The following NSUN7 variants were observed in gnomAD, a reference collection of about 807,000 sequenced individuals.
NSUN7 encodes the protein protein NSUN7.
Under a neutral mutation model 58.5 loss-of-function variants are expected in NSUN7, and 39 were observed. The observed-to-expected ratio is 0.67, with a 90% CI of 0.52 to 0.87. The LOEUF (loss-of-function observed/expected upper bound fraction) is 0.87, where lower values mean the gene tolerates loss of function less well. NSUN7 is among the 40% of genes least tolerant of loss of function. NSUN7 has a pLI of 0.00. For missense variants in NSUN7, 765 were observed against 844.1 expected (o/e 0.91, Z 1.16); for synonymous variants, 278 against 303.7 (o/e 0.92, Z 0.88).
chr4:40,750,481 C>A, intron 1 of NSUN7, 122 bp from the exon 2 acceptor site: 6 of 423,694 alleles, frequency 1.4e-5, no homozygotes, highest in East Asian at 4.4e-5. Flanking sequence ...GGCTCGAAGT[C>A]TGGGACACTC....
At chr4:40,807,976 G>GT (rs1304353485) in intron 11 of NSUN7, among the ~76,000 whole-genome samples, 1 of 141,812 alleles carries the variant, frequency 7.1e-6, no homozygotes, top group African/African-American at 2.6e-5. Flanking sequence ...GGAGGTGGAG[G>GT]TTGCAGTGAG....
chr4:40,773,433 A>G (rs1255428448), intron 4 of NSUN7, among the ~76,000 whole-genome samples: 1 of 152,200 alleles, frequency 6.6e-6, no homozygotes, highest in African/African-American at 2.4e-5. Context: ...CTGTAATCCC[A>G]GCACTTTGGG....
chr4:40,795,017 T>G (rs1229023710), intron 9 of NSUN7, among the ~76,000 whole-genome samples: 2 of 152,240 alleles, frequency 1.3e-5, no homozygotes, highest in African/African-American at 4.8e-5. Flanking sequence ...CCACTGCCTT[T>G]CCACATATGC....
In NSUN7 at chr4:40,808,997, A is replaced by G. The variant is rs1419985917; in HGVS notation, c.*58A>G. 10 of 1,430,696 alleles carry G rather than the reference A, an allele frequency of 7.0e-6. No individual in the cohort carries two copies. Among genetic ancestry groups the G allele is most frequent in the Non-Finnish European group, 9.2e-6 (10 of 1,087,914 alleles). 88.6% of individuals were successfully genotyped at this position (1,430,696 alleles called of 1,614,324 possible). On this transcript the variant is annotated 3_prime_UTR_variant, in exon 12 of 12. Transcript: ENST00000381782. ...AGTTGATTTTTTTTCAAAGTCTAGT[A>G]TTTCTCTGAAGATTCTACATCTCTA... is the stretch of plus-strand genomic sequence containing the variant.
rs1744120428 is a variant in NSUN7 at position 40,810,074 on chromosome 4, A to G, written c.*1135A>G. The G allele has an allele frequency of 6.6e-6, 1 of 152,200 alleles. No homozygotes were observed. Among genetic ancestry groups the G allele is most frequent in the Non-Finnish European group, 1.5e-5 (1 of 68,032 alleles). 9.4% of individuals were successfully genotyped at this position (152,200 alleles called of 1,614,324 possible). The stretch of plus-strand genomic sequence containing the variant: ...ATTTTTGCAATTCAGTTGTATAGAA[A>G]TGTTACATAAATTCCTAAATGCTCA... On this transcript the variant is annotated 3_prime_UTR_variant, in exon 12 of 12. Transcript: ENST00000381782.
intron 10 of NSUN7, among the ~76,000 whole-genome samples, chr4:40,805,303 C>T (rs957729883): frequency 3.9e-4 from 60 of 152,236 alleles, no homozygotes; most frequent in African/African-American, 1.3e-3. Flanking sequence ...AGTTTACTTC[C>T]AAACCCACGC....
chr4:40,786,741 A>G, intron 7 of NSUN7: 1 of 1,524,128 alleles, frequency 6.6e-7, no homozygotes, highest in Non-Finnish European at 8.8e-7. Flanking sequence ...ATCTGTGTGG[A>G]GTAGGTTTTC....
chr4:40,792,622 G>A (rs1743132513), intron 8 of NSUN7, among the ~76,000 whole-genome samples: 2 of 152,106 alleles, frequency 1.3e-5, no homozygotes, highest in South Asian at 2.1e-4. Flanking sequence ...GAGGTGGCGG[G>A]CGCCTGTAGT....
intron 7 of NSUN7, among the ~76,000 whole-genome samples, chr4:40,789,933 C>A (rs968497996): frequency 2.0e-5 from 3 of 151,976 alleles, no homozygotes; most frequent in African/African-American, 7.3e-5. Flanking sequence ...GGCTATAATG[C>A]AAGGGAAGGC....
At chr4:40,791,518 G>A (rs1743071673) in intron 8 of NSUN7, among the ~76,000 whole-genome samples, 1 of 152,178 alleles carries the variant, frequency 6.6e-6, no homozygotes, top group East Asian at 1.9e-4. Context: ...GTAAGAGGCA[G>A]AGCTTGGATT....
Position 40,783,939 on chromosome 4 carries a change from C to T in NSUN7, c.1037-6663C>T, listed in dbSNP as rs529311240. On this transcript the variant is annotated intron_variant, in intron 7 of 11. Transcript: ENST00000381782. ...ACTTGTATTCAGAATATATAAACAA[C>T]TCAACAATAAAAAGACAAGTAGCCC... Among the ~76,000 whole-genome samples the T allele has an allele frequency of 3.3e-5, 5 of 151,710 alleles. No homozygotes were observed. The East Asian group carries it at 9.7e-4, about 29-fold the overall frequency.
In NSUN7 at chr4:40,790,587, GTGT is replaced by G. The variant is rs760066077; in HGVS notation, c.1037-13_1037-11del. On this transcript the variant is annotated splice_polypyrimidine_tract_variant and intron_variant, in intron 7 of 11. Coordinates refer to ENST00000381782, the MANE Select transcript of NSUN7 (RefSeq NM_024677.6). ...ATTAATATTTTACATTAAATTTTCT[GTGT>G]TTTTTCCCCAGATATTGAAATACTT... 2.1e-5 allele frequency: 30 copies of G among 1,445,732 alleles called. No individual in the cohort carries two copies. The highest frequency in any genetic ancestry group is 2.8e-5 in the Non-Finnish European group (29 of 1,050,106). The allele number at this position is 1,445,732 out of a possible 1,614,324, so 89.6% of individuals were successfully genotyped here.
chr4:40,785,366 A>G (rs1436374625), intron 7 of NSUN7, among the ~76,000 whole-genome samples: 1 of 148,114 alleles, frequency 6.8e-6, no homozygotes, highest in Non-Finnish European at 1.5e-5. Context: ...GACATTTTGG[A>G]TTTTTTTTTT....
Position 40,760,400 on chromosome 4 carries a change from A to G in NSUN7, c.299-34A>G, listed in dbSNP as rs16852482. The G allele has an allele frequency of 3.0e-3, 4,724 of 1,556,432 alleles. 131 individuals carry two copies. The African/African-American group carries it at 0.059, about 19-fold the overall frequency. On this transcript the variant is annotated intron_variant, in intron 2 of 11. Coordinates refer to ENST00000381782, the MANE Select transcript of NSUN7 (RefSeq NM_024677.6). ...CCAGAGTTTTCATTTTCCGCTTTGT[A>G]TTTTCAGTAACAGGCCTTTCCCTTG...
At chr4:40,780,689 A>G (rs1376108915) in intron 7 of NSUN7, among the ~76,000 whole-genome samples, 1 of 151,296 alleles carries the variant, frequency 6.6e-6, no homozygotes, top group South Asian at 2.1e-4. Flanking sequence ...TAAACCAAAT[A>G]ACATATATTT....
Position 40,766,506 on chromosome 4 carries a change from G to A in NSUN7, c.488+5205G>A, listed in dbSNP as rs527507126. ...TGCCAGTATTTTATTGAGGATTTTC[G>A]CATCAATGTTCATCAAGGATATTGG... is the stretch of plus-strand genomic sequence containing the variant. On this transcript the variant is annotated intron_variant, in intron 4 of 11. Coordinates refer to ENST00000381782, the MANE Select transcript of NSUN7 (RefSeq NM_024677.6). Among the ~76,000 whole-genome samples, 437 of 152,148 alleles carry A rather than the reference G, an allele frequency of 2.9e-3. 4 individuals are homozygous for A. The highest frequency in any genetic ancestry group is 9.8e-3 in the African/African-American group (405 of 41,490).
intron 10 of NSUN7, among the ~76,000 whole-genome samples, chr4:40,802,880 C>G: frequency 6.7e-6 from 1 of 148,424 alleles, no homozygotes; most frequent in Non-Finnish European, 1.5e-5. Flanking sequence ...TGCTGGTGTG[C>G]TGCACCCATT....
At chr4:40,805,333 G>T (rs1743769311) in intron 10 of NSUN7, among the ~76,000 whole-genome samples, 1 of 152,122 alleles carries the variant, frequency 6.6e-6, no homozygotes, top group Admixed American at 6.6e-5. Context: ...CGGGACTGAG[G>T]TCCTCGTCTC....
In NSUN7 at chr4:40,790,606, T is replaced by G; in HGVS notation, c.1041T>G (p.Ile347Met). The G allele has an allele frequency of 1.3e-6, 2 of 1,542,342 alleles. No homozygotes were observed. Among genetic ancestry groups the G allele is most frequent in the South Asian group, 2.4e-5 (2 of 82,442 alleles). The change falls in exon 8 of 12, where the codon ATT becomes ATG. Residue 347 changes from isoleucine to methionine, a missense_variant. Physicochemically the swap from Ile to Met is conservative, Grantham distance 10. Transcript: ENST00000381782. ...TLFTKIGCKN[I>M]EILHEKFINI... is the part of the protein sequence containing the mutation. ...TTTTCTGTGTTTTTTCCCCAGATAT[T>G]GAAATACTTCATGAGAAATTTATTA...
Sources: gnomAD v4.1 joint callset for allele counts (sites outside exome capture counted in the v4.1 genomes callset) on GRCh38, gnomAD v4.1.1 for gene constraint, MANE v1.5 for transcripts, NCBI Gene and HGNC (gene_info 2026-07-23, HGNC 2026-07-21) for gene names.